CATSPERB: variants seen among roughly 807,000 people sequenced by gnomAD.
CATSPERB encodes the protein cation channel sperm-associated auxiliary subunit beta.
Under a neutral mutation model 128.3 loss-of-function variants are expected in CATSPERB, and 93 were observed. The ratio of observed to expected loss-of-function variants is 0.72; its 90% CI spans 0.61 to 0.86. CATSPERB has a LOEUF of 0.86. Ranked by LOEUF, CATSPERB falls within the 40% of genes least tolerant of loss-of-function variation. The pLI, the probability that CATSPERB is intolerant of heterozygous loss-of-function variation, is 0.00. For missense variants in CATSPERB, 1,153 were observed against 1,329.5 expected (o/e 0.87, Z 2.06); for synonymous variants, 381 against 448.8 (o/e 0.85, Z 1.91).
At chr14:91,626,140 G>T (rs536921043) in intron 17 of CATSPERB, among the ~76,000 whole-genome samples, 14 of 151,638 alleles carry the variant, frequency 9.2e-5, no homozygotes, top group Non-Finnish European at 1.9e-4. Flanking sequence ...AGAAAATAAA[G>T]AACTCTAAAT....
intron 1 of CATSPERB, among the ~76,000 whole-genome samples, chr14:91,731,244 T>C (rs1461705389): frequency 6.6e-6 from 1 of 152,232 alleles, no homozygotes; most frequent in Non-Finnish European, 1.5e-5. Context: ...AGCTTTCTTA[T>C]CTGCCATCCT....
At chr14:91,596,874 T>C (rs1466412415) in intron 22 of CATSPERB, among the ~76,000 whole-genome samples, 3 of 151,976 alleles carry the variant, frequency 2.0e-5, no homozygotes, top group African/African-American at 7.2e-5. Flanking sequence ...ACTAATTAGG[T>C]TAGAAAAAGA....
At chr14:91,585,170 C>A (rs1361865357) in intron 26 of CATSPERB, among the ~76,000 whole-genome samples, 1 of 152,024 alleles carries the variant, frequency 6.6e-6, no homozygotes, top group East Asian at 1.9e-4. Context: ...GTGTGTGCCT[C>A]CATGCCTGGC....
intron 26 of CATSPERB, among the ~76,000 whole-genome samples, chr14:91,581,913 C>G (rs554961347): frequency 6.6e-6 from 1 of 152,236 alleles, no homozygotes; most frequent in Admixed American, 6.5e-5. Context: ...TGGGAAAGTG[C>G]AAAGGACAAG....
chr14:91,604,792 G>T, intron 22 of CATSPERB: 1 of 1,610,536 alleles, frequency 6.2e-7, no homozygotes, highest in South Asian at 1.1e-5. Flanking sequence ...AAGAGTAGAG[G>T]CTGGGGTAGG....
At chr14:91,687,012 A>T (rs1595179023) in intron 10 of CATSPERB, among the ~76,000 whole-genome samples, 1 of 152,304 alleles carries the variant, frequency 6.6e-6, no homozygotes, top group East Asian at 1.9e-4. Context: ...TAAGTGAAGA[A>T]AATAATTTAG....
chr14:91,693,900 A>G (rs1003561894), intron 7 of CATSPERB, among the ~76,000 whole-genome samples: 4 of 152,142 alleles, frequency 2.6e-5, no homozygotes, highest in Admixed American at 1.3e-4. Context: ...CAAAGCATAA[A>G]TTGCTCCTTT....
rs1566721585 is a variant in CATSPERB, at chr14:91,659,936, T to C, written c.1333A>G (p.Asn445Asp). 1 of 1,603,238 alleles carries C rather than the reference T, an allele frequency of 6.2e-7. No individual in the cohort carries two copies. The highest frequency in any genetic ancestry group is 1.1e-5 in the South Asian group (1 of 88,312). Reference sequence around the variant, plus strand: ...TTCTTTATGATATCATCATGAAAGTTAGCTATTAATTGAAAGGTGTTGCCG... The same window carrying C: ...TTCTTTATGATATCATCATGAAAGTCAGCTATTAATTGAAAGGTGTTGCCG... ...DGGNTFQLIA[N>D]FHDDIIKKTF... Residue 445 changes from asparagine (N) to aspartate (D), a missense_variant, in exon 15 of 27, where the codon AAC becomes GAC. Asn to Asp is a conservative substitution (Grantham distance 23). Transcript: ENST00000256343.
Position 91,666,182 on chromosome 14 carries a change from A to T in CATSPERB, c.1287+3632T>A, listed in dbSNP as rs577635677. 9.2e-5 allele frequency among the ~76,000 whole-genome samples: 14 copies of T among 152,334 alleles called. No homozygotes were observed. The South Asian group carries it at 2.7e-3, about 29-fold the overall frequency. On this transcript the variant is annotated intron_variant, in intron 14 of 26. Transcript: ENST00000256343. The stretch of plus-strand genomic sequence containing the variant: ...CAGCTTTGCCTACAGCAGGTCAAAT[A>T]TCTAGGCCTAATCTTAGCCAGAGGA...
Position 91,683,953 on chromosome 14 carries a change from T to C in CATSPERB, c.865-10A>G, listed in dbSNP as rs1306993290. On this transcript the variant is annotated splice_polypyrimidine_tract_variant and intron_variant, in intron 10 of 26. Transcript: ENST00000256343. ...CTTTCACATAGTCAACCTACATAAATAAATAAAATATCACTTAGCCAATAT... is the reference window on the plus strand; with the variant it reads ...CTTTCACATAGTCAACCTACATAAACAAATAAAATATCACTTAGCCAATAT... 1 of 1,550,666 alleles carries C rather than the reference T, an allele frequency of 6.4e-7. No homozygotes were observed. The highest frequency in any genetic ancestry group is 8.8e-7 in the Non-Finnish European group (1 of 1,132,892).
At chr14:91,590,967 A>G (rs1893388589) in intron 23 of CATSPERB, among the ~76,000 whole-genome samples, 1 of 151,912 alleles carries the variant, frequency 6.6e-6, no homozygotes, top group South Asian at 2.1e-4. Flanking sequence ...TGTCTTACAT[A>G]TGTATAGTCT....
intron 10 of CATSPERB, among the ~76,000 whole-genome samples, chr14:91,689,696 T>C (rs1895433928): frequency 1.3e-5 from 2 of 152,220 alleles, no homozygotes; most frequent in African/African-American, 4.8e-5. Flanking sequence ...GTAGAATAGA[T>C]GGATTATTCT....
At chr14:91,590,811 C>T (rs1041020760) in intron 23 of CATSPERB, among the ~76,000 whole-genome samples, 6 of 151,716 alleles carry the variant, frequency 4.0e-5, no homozygotes, top group Non-Finnish European at 7.4e-5. Flanking sequence ...CCACCACGCC[C>T]GGCTAATTTT....
intron 7 of CATSPERB, among the ~76,000 whole-genome samples, chr14:91,695,867 C>T (rs1157833694): frequency 6.6e-6 from 1 of 152,106 alleles, no homozygotes; most frequent in South Asian, 2.1e-4. Flanking sequence ...GTCACATTGG[C>T]GATGGACCCT....
chr14:91,622,147 G>A (rs772874954), intron 18 of CATSPERB, among the ~76,000 whole-genome samples: 2 of 151,876 alleles, frequency 1.3e-5, no homozygotes, highest in Non-Finnish European at 2.9e-5. Context: ...AATGTTTACT[G>A]TGAAACTATT....
At chr14:91,609,595 A>C (rs1893783357) in intron 21 of CATSPERB, among the ~76,000 whole-genome samples, 1 of 152,162 alleles carries the variant, frequency 6.6e-6, no homozygotes, top group African/African-American at 2.4e-5. Context: ...GTAAGTTTTG[A>C]TAAATTTTAA....
chr14:91,660,099 ATCTC>A (rs55665101), intron 14 of CATSPERB, 118 bp from the exon 15 acceptor site: 7,801 of 514,062 alleles, frequency 0.015, 142 homozygotes, highest in Admixed American at 0.1. Flanking sequence ...GCCTACATTC[ATCTC>A]TCTCTCTCTC....
At chr14:91,634,869 G>GTTAA (rs1432683319) in intron 17 of CATSPERB, among the ~76,000 whole-genome samples, 1 of 150,276 alleles carries the variant, frequency 6.7e-6, no homozygotes, top group African/African-American at 2.5e-5. Context: ...TGGAGACAAG[G>GTTAA]TTAATATCTT....
At chr14:91,640,702 C>T in intron 15 of CATSPERB, among the ~76,000 whole-genome samples, 1 of 74,678 alleles carries the variant, frequency 1.3e-5, no homozygotes. Context: ...CCGCAATAAA[C>T]ATACGTGTGC....
Sources: gnomAD v4.1 joint callset for allele counts (sites outside exome capture counted in the v4.1 genomes callset) on GRCh38, gnomAD v4.1.1 for gene constraint, MANE v1.5 for transcripts, NCBI Gene and HGNC (gene_info 2026-07-23, HGNC 2026-07-21) for gene names.